Variants in TENM3 observed in about 807,000 individuals in gnomAD.
TENM3 encodes the protein teneurin-3.
In TENM3, 63 loss-of-function variants were observed where a neutral mutation model predicts 255.1. The observed-to-expected ratio is 0.25, with a 90% CI of 0.20 to 0.30. TENM3 has a LOEUF of 0.30. Ranked by LOEUF, TENM3 falls within the 10% of genes least tolerant of loss-of-function variation. The pLI is 1.00. For missense variants in TENM3, 2,929 were observed against 3,461.1 expected, an observed-to-expected ratio of 0.85 and a Z score of 3.86; for synonymous variants, 1,306 against 1,322.3, an observed-to-expected ratio of 0.99 and a Z score of 0.27.
the TENM3 span, among the ~76,000 whole-genome samples, chr4:182,010,201 T>C: frequency 6.6e-6 from 1 of 152,216 alleles, no homozygotes; most frequent in East Asian, 1.9e-4. Flanking sequence ...TTTATACAAG[T>C]ATAATGAAGC....
chr4:181,837,526 C>A, the TENM3 span, among the ~76,000 whole-genome samples: 1 of 152,272 alleles, frequency 6.6e-6, no homozygotes, highest in Non-Finnish European at 1.5e-5. Flanking sequence ...AATTGCTAGA[C>A]TGTGCTGCAT....
At chr4:182,600,897 C>CTTTTTTTT (rs548783934) in intron 3 of TENM3, 27 bp from the exon 4 acceptor site, 38 of 496,342 alleles carry the variant, frequency 7.7e-5, no homozygotes, top group African/African-American at 3.9e-4. Flanking sequence ...AGTTCTCTTT[C>CTTTTTTTT]TTTTTTTTTT....
chr4:181,897,058 C>T, the TENM3 span, among the ~76,000 whole-genome samples: 4 of 152,312 alleles, frequency 2.6e-5, no homozygotes, highest in African/African-American at 7.2e-5. Context: ...CCCTGACATT[C>T]CCTTCCTGAA....
chr4:182,775,764 GAC>G (rs936124603), intron 24 of TENM3, among the ~76,000 whole-genome samples: 45 of 152,280 alleles, frequency 3.0e-4, no homozygotes, highest in African/African-American at 9.6e-4. Context: ...GCATACCAAA[GAC>G]ACAGCACCTA....
At chr4:182,042,203 A>G in the TENM3 span, among the ~76,000 whole-genome samples, 1 of 152,214 alleles carries the variant, frequency 6.6e-6, no homozygotes, top group East Asian at 1.9e-4. Flanking sequence ...TGTCAACCTT[A>G]GAGAATTAAA....
chr4:182,038,824 C>T, the TENM3 span, among the ~76,000 whole-genome samples: 2 of 152,148 alleles, frequency 1.3e-5, no homozygotes, highest in Non-Finnish European at 2.9e-5. Context: ...ACCTCTGCCT[C>T]TCGGGTTCAA....
chr4:182,194,544 G>A (rs1381210274), intron 1 of TENM3, among the ~76,000 whole-genome samples: 1 of 152,090 alleles, frequency 6.6e-6, no homozygotes, highest in African/African-American at 2.4e-5. Flanking sequence ...GCACTCCTTG[G>A]CTAAGATACA....
the TENM3 span, among the ~76,000 whole-genome samples, chr4:181,529,095 G>T: frequency 1.3e-5 from 2 of 152,330 alleles, no homozygotes; most frequent in African/African-American, 4.8e-5. Context: ...AAAAAACTGA[G>T]GCTCAAAAGG....
chr4:182,559,466 A>G (rs1742919082), intron 3 of TENM3, among the ~76,000 whole-genome samples: 1 of 152,078 alleles, frequency 6.6e-6, no homozygotes, highest in Admixed American at 6.6e-5. Context: ...TCTTTGTTCT[A>G]TTTAGAATTC....
At chr4:181,475,001 G>A in the TENM3 span, among the ~76,000 whole-genome samples, 1 of 151,848 alleles carries the variant, frequency 6.6e-6, no homozygotes, top group East Asian at 1.9e-4. Context: ...AAAATGAATA[G>A]CAGCATAGTC....
intron 1 of TENM3, among the ~76,000 whole-genome samples, chr4:182,321,382 T>A (rs1177799162): frequency 6.6e-6 from 1 of 152,140 alleles, no homozygotes; most frequent in Non-Finnish European, 1.5e-5. Context: ...TCCCAGCACT[T>A]TGAGAGGCCA....
chr4:181,507,282 A>C, the TENM3 span, among the ~76,000 whole-genome samples: 1 of 152,174 alleles, frequency 6.6e-6, no homozygotes, highest in Non-Finnish European at 1.5e-5. Flanking sequence ...AATTCTCAAA[A>C]AGCCTTCAGG....
intron 3 of TENM3, among the ~76,000 whole-genome samples, chr4:182,398,784 T>C (rs553231191): frequency 2.0e-5 from 3 of 152,340 alleles, no homozygotes; most frequent in Admixed American, 1.3e-4. Context: ...AGGAAGTCAT[T>C]ACAATAGCAC....
intron 3 of TENM3, among the ~76,000 whole-genome samples, chr4:182,497,139 C>T (rs534200058): frequency 5.3e-5 from 8 of 151,938 alleles, no homozygotes; most frequent in East Asian, 1.9e-4. Context: ...CTGTAACCTC[C>T]GCCTCCCGGG....
the TENM3 span, among the ~76,000 whole-genome samples, chr4:181,628,576 C>T: frequency 2.8e-4 from 42 of 152,028 alleles, no homozygotes; most frequent in African/African-American, 8.5e-4. Flanking sequence ...CCCAGCACCA[C>T]TTATTAAATA....
At chr4:182,548,763 G>A (rs1176144084) in intron 3 of TENM3, 1 of 151,716 alleles carries the variant, frequency 6.6e-6, no homozygotes, top group Non-Finnish European at 1.5e-5. Context: ...ACAGTCTTGG[G>A]ATCTGTCTTA....
intron 3 of TENM3, among the ~76,000 whole-genome samples, chr4:182,576,002 G>A (rs916522112): frequency 1.8e-4 from 28 of 152,184 alleles, no homozygotes; most frequent in Non-Finnish European, 3.7e-4. Flanking sequence ...TTCAGGGTGG[G>A]ATTAAGCATG....
intron 2 of TENM3, among the ~76,000 whole-genome samples, chr4:182,336,422 TAAAC>T (rs1218296910): frequency 6.6e-6 from 1 of 151,416 alleles, no homozygotes; most frequent in Admixed American, 6.6e-5. Context: ...GTGTGTGAAA[TAAAC>T]AATAACACAA....
the TENM3 span, among the ~76,000 whole-genome samples, chr4:181,710,869 A>G: frequency 1.7e-3 from 258 of 151,556 alleles, no homozygotes; most frequent in African/African-American, 6.0e-3. Context: ...CTCAAAAAAG[A>G]AAAGAAAAAA....
Sources: allele counts gnomAD v4.1 joint callset (sites outside exome capture counted in the v4.1 genomes callset), GRCh38; gene constraint gnomAD v4.1.1; transcripts MANE v1.5; gene names NCBI Gene and HGNC (gene_info 2026-07-23, HGNC 2026-07-21).